The following RARB variants were observed in gnomAD, a reference collection of about 807,000 sequenced individuals.
RARB encodes HBV-activated protein.
Under a neutral mutation model 51.9 loss-of-function variants are expected in RARB, and 17 were observed. That is an observed-to-expected ratio of 0.33 (90% confidence interval 0.22 to 0.49). RARB has a LOEUF of 0.49. Ranked by LOEUF, RARB falls within the 20% of genes least tolerant of loss-of-function variation. The pLI is 0.99. For missense variants in RARB, 369 were observed against 550.8 expected (o/e 0.67, Z 3.30); for synonymous variants, 215 against 195.4 (o/e 1.10, Z -0.84).
intron 5 of RARB, among the ~76,000 whole-genome samples, chr3:25,347,044 C>T (rs1705416595): frequency 6.6e-6 from 1 of 152,156 alleles, no homozygotes; most frequent in Non-Finnish European, 1.5e-5. Context: ...AGCTTTAAAA[C>T]TGTGGTGGTT....
intron 3 of RARB, among the ~76,000 whole-genome samples, chr3:25,557,773 A>C (rs1337494444): frequency 6.6e-6 from 1 of 151,930 alleles, no homozygotes; most frequent in East Asian, 1.9e-4. Flanking sequence ...CCCCTAATAA[A>C]CTTAAAAGCC....
intron 5 of RARB, among the ~76,000 whole-genome samples, chr3:25,288,136 T>C (rs1703700822): frequency 6.6e-6 from 1 of 152,138 alleles, no homozygotes; most frequent in Admixed American, 6.6e-5. Context: ...AAATTCAAGC[T>C]GCAAATACTA....
Position 25,582,534 on chromosome 3 carries a change from C to A in RARB, c.786+1812C>A, listed in dbSNP as rs560777075. On this transcript the variant is annotated intron_variant, in intron 5 of 7. Transcript: ENST00000330688. The stretch of plus-strand genomic sequence containing the variant: ...GATGATGACAGTTTGTGATACTCAG[C>A]CCCAACATATGGAGTGAGAGGTATG... 1.1e-4 allele frequency among the ~76,000 whole-genome samples: 16 copies of A among 152,108 alleles called. No individual in the cohort carries two copies. The South Asian group carries it at 2.5e-3, about 24-fold the overall frequency.
At chr3:24,930,872 G>T (rs1048635093) in intron 2 of RARB, among the ~76,000 whole-genome samples, 1 of 152,058 alleles carries the variant, frequency 6.6e-6, no homozygotes, top group Non-Finnish European at 1.5e-5. Context: ...AAATAGCCAG[G>T]TGTGGTGGTG....
chr3:25,132,541 T>G (rs1699969924), intron 4 of RARB, among the ~76,000 whole-genome samples: 1 of 152,060 alleles, frequency 6.6e-6, no homozygotes, highest in South Asian at 2.1e-4. Context: ...CCTGTATTAT[T>G]GCAATTGATT....
chr3:24,850,738 G>A (rs1031118058), intron 1 of RARB, among the ~76,000 whole-genome samples: 2 of 152,162 alleles, frequency 1.3e-5, no homozygotes, highest in Non-Finnish European at 2.9e-5. Flanking sequence ...TAATAACCTA[G>A]CGCATAGGAA....
intron 2 of RARB, among the ~76,000 whole-genome samples, chr3:25,486,583 G>A (rs986503705): frequency 6.6e-6 from 1 of 152,116 alleles, no homozygotes; most frequent in Non-Finnish European, 1.5e-5. Flanking sequence ...AGTTATGACA[G>A]GTCTTCAACT....
chr3:25,028,367 C>T (rs972413642), intron 2 of RARB, among the ~76,000 whole-genome samples: 3 of 152,242 alleles, frequency 2.0e-5, no homozygotes, highest in Middle Eastern at 3.4e-3. Flanking sequence ...CTCTTTATGC[C>T]GGTGGTTCCC....
chr3:25,002,885 A>G (rs1213006353), intron 2 of RARB, among the ~76,000 whole-genome samples: 1 of 152,134 alleles, frequency 6.6e-6, no homozygotes, highest in African/African-American at 2.4e-5. Context: ...GTTTATATAT[A>G]AAATGCTTAG....
In RARB at chr3:25,080,950, T is replaced by G. The variant is rs73141452; in HGVS notation, c.-328+20774T>G. On this transcript the variant is annotated intron_variant, in intron 3 of 11. Transcript: ENST00000383772. ...TTATTAATTTTTAAAAAACTTTTGA[T>G]TTTGTTGATGTTTCTGTATTTTGCT... Among the ~76,000 whole-genome samples the G allele has an allele frequency of 9.4e-3, 1,433 of 152,186 alleles. 19 individuals are homozygous for G. The highest frequency in any genetic ancestry group is 0.033 in the African/African-American group (1,357 of 41,574).
At chr3:25,375,345 G>A (rs1277414745) in intron 5 of RARB, among the ~76,000 whole-genome samples, 2 of 152,166 alleles carry the variant, frequency 1.3e-5, no homozygotes, top group African/African-American at 4.8e-5. Flanking sequence ...AGGACAGTGG[G>A]TGTTGTAGGA....
intron 2 of RARB, among the ~76,000 whole-genome samples, chr3:24,964,416 T>C (rs73820350): frequency 0.028 from 4,332 of 152,296 alleles, 157 homozygotes; most frequent in East Asian, 0.086. Context: ...TATTGGCCTC[T>C]AGCATAAACT....
At chr3:24,832,650 T>A (rs886931429) in intron 1 of RARB, among the ~76,000 whole-genome samples, 1 of 138,974 alleles carries the variant, frequency 7.2e-6, no homozygotes. Context: ...TATATATATA[T>A]AATGTCAATT....
At chr3:25,488,993 A>T (rs1447696427) in intron 2 of RARB, among the ~76,000 whole-genome samples, 2 of 152,232 alleles carry the variant, frequency 1.3e-5, no homozygotes, top group East Asian at 3.8e-4. Context: ...GAAATGGAAA[A>T]GCAGAGAGGT....
intron 2 of RARB, among the ~76,000 whole-genome samples, chr3:25,049,770 T>C (rs1220438268): frequency 2.0e-5 from 3 of 152,248 alleles, no homozygotes; most frequent in African/African-American, 4.8e-5. Flanking sequence ...GTGTTAACTA[T>C]GGATGATTCC....
chr3:24,940,745 G>A (rs574555123), intron 2 of RARB, among the ~76,000 whole-genome samples: 46 of 152,260 alleles, frequency 3.0e-4, no homozygotes, highest in Admixed American at 2.5e-3. Flanking sequence ...GACAGGAAGT[G>A]GGGAAAGCAT....
intron 2 of RARB, among the ~76,000 whole-genome samples, chr3:25,020,945 G>A (rs1697623735): frequency 6.6e-6 from 1 of 152,126 alleles, no homozygotes; most frequent in African/African-American, 2.4e-5. Flanking sequence ...CTCCAGCCTG[G>A]CAACGGAGTG....
chr3:24,848,415 G>GT (rs140575446), intron 1 of RARB, among the ~76,000 whole-genome samples: 4 of 152,060 alleles, frequency 2.6e-5, no homozygotes, highest in Non-Finnish European at 5.9e-5. Flanking sequence ...CTTTTTAACT[G>GT]TTTTTTTAAA....
chr3:25,305,996 G>A (rs1704144040), intron 5 of RARB, among the ~76,000 whole-genome samples: 1 of 152,172 alleles, frequency 6.6e-6, no homozygotes, highest in Admixed American at 6.5e-5. Flanking sequence ...CTGCCATATA[G>A]AGAGCTTAAA....
Sources: allele counts gnomAD v4.1 joint callset (sites outside exome capture counted in the v4.1 genomes callset), GRCh38; gene constraint gnomAD v4.1.1; transcripts MANE v1.5; gene names NCBI Gene and HGNC (gene_info 2026-07-23, HGNC 2026-07-21).